The following AHRR variants were observed in gnomAD, a reference collection of about 807,000 sequenced individuals.
AHRR encodes aryl hydrocarbon receptor repressor.
AHRR carries 28 observed loss-of-function variants against 44.0 expected under a neutral mutation model. The observed-to-expected ratio is 0.64, with a 90% confidence interval of 0.47 to 0.87. The LOEUF is 0.87. Among genes scored for constraint, AHRR ranks in the 40% least tolerant of loss-of-function variants. The pLI, the probability that AHRR is intolerant of heterozygous loss-of-function variation, is 0.00. For synonymous variants in AHRR, 434 were observed against 407.0 expected, an observed-to-expected ratio of 1.07 and a Z score of -0.80; for missense variants, 990 against 953.9, an observed-to-expected ratio of 1.04 and a Z score of -0.50.
At chr5:372,415 G>A (rs1743610460) in intron 3 of AHRR, among the ~76,000 whole-genome samples, 1 of 152,222 alleles carries the variant, frequency 6.6e-6, no homozygotes, top group Admixed American at 6.5e-5. Flanking sequence ...TCCAGGCTGC[G>A]GTTTGGGTGA....
At chr5:400,946 C>T (rs1734990822) in intron 4 of AHRR, among the ~76,000 whole-genome samples, 1 of 152,236 alleles carries the variant, frequency 6.6e-6, no homozygotes, top group African/African-American at 2.4e-5. Flanking sequence ...GCACAGACCT[C>T]TCCCAGCAGT....
At chr5:324,054 T>C (rs1461782411) in intron 1 of AHRR, among the ~76,000 whole-genome samples, 2 of 145,914 alleles carry the variant, frequency 1.4e-5, no homozygotes, top group Non-Finnish European at 2.9e-5. Context: ...TTTCTCTCTC[T>C]CTCTCTTTCT....
intron 4 of AHRR, among the ~76,000 whole-genome samples, chr5:399,209 G>C (rs1734905044): frequency 6.6e-6 from 1 of 152,248 alleles, no homozygotes; most frequent in Non-Finnish European, 1.5e-5. Flanking sequence ...GGTGGTGCAG[G>C]ACACACCCAG....
At position 419,945 on chromosome 5, in the gene AHRR, G is replaced by T. The variant is rs1033611152; in HGVS notation, c.442-2784G>T. Among the ~76,000 whole-genome samples the T allele has an allele frequency of 2.0e-5, 3 of 152,214 alleles. No homozygotes were observed. Among genetic ancestry groups the T allele is most frequent in the African/African-American group, 7.2e-5 (3 of 41,444 alleles). On this transcript the variant is annotated intron_variant, in intron 5 of 10. Transcript: ENST00000684583. The surrounding 1 kb of genome is among the most constrained non-coding windows in gnomAD (Gnocchi z 4.4). The stretch of plus-strand genomic sequence containing the variant: ...TAGAGTGGTTTAGAATAAGAACTCC[G>T]AAAGGTTCCTTGTGGATCCCCTTTT...
At chr5:386,485 T>C (rs754924100) in intron 4 of AHRR, among the ~76,000 whole-genome samples, 2 of 152,194 alleles carry the variant, frequency 1.3e-5, no homozygotes, top group Non-Finnish European at 2.9e-5. Context: ...GAGAAAGAGA[T>C]GTGGCAACAG....
At chr5:429,266 C>T (rs72717412) in intron 8 of AHRR, among the ~76,000 whole-genome samples, 39,451 of 138,910 alleles carry the variant, frequency 0.28, 6,658 homozygotes, top group Non-Finnish European at 0.41. Context: ...AGGGCTGGGC[C>T]GCCAGGATGC....
intron 8 of AHRR, chr5:432,019 G>C (rs773421994): frequency 6.3e-6 from 1 of 158,078 alleles, no homozygotes; most frequent in Non-Finnish European, 1.4e-5. Context: ...TGGGATTTAA[G>C]ATTCAGATCA....
chr5:335,393 G>A (rs1262348443), intron 1 of AHRR, among the ~76,000 whole-genome samples: 1 of 151,948 alleles, frequency 6.6e-6, no homozygotes, highest in African/African-American at 2.4e-5. Flanking sequence ...GCAGGTAGGT[G>A]CCAGCTGAGG....
intron 4 of AHRR, among the ~76,000 whole-genome samples, chr5:399,106 C>T (rs549947146): frequency 5.3e-5 from 8 of 152,344 alleles, no homozygotes; most frequent in African/African-American, 1.9e-4. Flanking sequence ...TGGGTCAGCG[C>T]GGAGCTCCCT....
At chr5:350,069 G>C (rs1470645591) in intron 2 of AHRR, among the ~76,000 whole-genome samples, 1 of 152,156 alleles carries the variant, frequency 6.6e-6, no homozygotes, top group Non-Finnish European at 1.5e-5. Flanking sequence ...GTCCCCAGCT[G>C]TGCCCTTCTC....
In AHRR at chr5:344,074, C is replaced by T. The variant is rs563098121; in HGVS notation, c.62+110C>T. ...GGAACAGGGCGAGCGAGGAAGGCTT[C>T]GGGAGCCGGGCGGGCCGGGGCTGAG... On this transcript the variant is annotated intron_variant, in intron 2 of 10. Transcript: ENST00000684583. 38 of 1,218,500 alleles carry T rather than the reference C, an allele frequency of 3.1e-5. No individual in the cohort carries two copies. In the Middle Eastern group the frequency reaches 6.4e-4, roughly 21 times the overall value. The allele number at this position is 1,218,500 out of a possible 1,614,324, so 75.5% of individuals were successfully genotyped here.
At chr5:340,679 TATA>T (rs1277865217) in intron 1 of AHRR, among the ~76,000 whole-genome samples, 9 of 30,522 alleles carry the variant, frequency 2.9e-4, no homozygotes, top group East Asian at 2.5e-3. Flanking sequence ...TATATATATA[TATA>T]TATATATTTT....
chr5:344,335 TGTG>T (rs1742490179), intron 2 of AHRR, among the ~76,000 whole-genome samples: 1 of 148,858 alleles, frequency 6.7e-6, no homozygotes, highest in African/African-American at 2.5e-5. Flanking sequence ...GGACGGAGGG[TGTG>T]GCACGGCCGG....
At chr5:378,255 A>G (rs1733827297) in intron 4 of AHRR, among the ~76,000 whole-genome samples, 1 of 152,218 alleles carries the variant, frequency 6.6e-6, no homozygotes, top group South Asian at 2.1e-4. Context: ...AATAAACTGA[A>G]AAAAAGGGGA....
chr5:391,334 G>A lies in AHRR; in HGVS notation c.351+14618G>A, dbSNP rs533236183. Among the ~76,000 whole-genome samples the A allele has an allele frequency of 3.9e-4, 51 of 130,826 alleles. 1 individual carries two copies. The highest frequency in any genetic ancestry group is 1.4e-3 in the African/African-American group (51 of 35,740). 85.8% of individuals were successfully genotyped at this position (130,826 alleles called of 152,430 possible). ...GGGCCAGAGCGTGCACGGGCGCAGG[G>A]CGAGGCGGGCGCAGGGCGAGGCAGG... On this transcript the variant is annotated intron_variant, in intron 4 of 10. Transcript: ENST00000684583.
rs1054912840 is a variant in AHRR at position 338,130 on chromosome 5, C to A, written c.-10-5763C>A. 1.3e-5 allele frequency among the ~76,000 whole-genome samples: 2 copies of A among 152,186 alleles called. No homozygotes were observed. Among genetic ancestry groups the A allele is most frequent in the African/African-American group, 4.8e-5 (2 of 41,448 alleles). The stretch of plus-strand genomic sequence containing the variant: ...GTGTAGCCGCCATATACTTGATGTC[C>A]ACGTTTGTTGTGAACCCCACAACAC... On this transcript the variant is annotated intron_variant, in intron 1 of 10. Coordinates refer to ENST00000684583, the MANE Select transcript of AHRR (RefSeq NM_001377236.1). The surrounding 1 kb of genome is among the most constrained non-coding windows in gnomAD (Gnocchi z 4.1).
chr5:380,673 T>G (rs1226420897), intron 4 of AHRR, among the ~76,000 whole-genome samples: 1 of 152,254 alleles, frequency 6.6e-6, no homozygotes, highest in Non-Finnish European at 1.5e-5. Context: ...CTTTGTATCC[T>G]ATGACCTTGC....
At chr5:364,529 G>A (rs1016273828) in intron 3 of AHRR, among the ~76,000 whole-genome samples, 16 of 152,028 alleles carry the variant, frequency 1.1e-4, no homozygotes, top group South Asian at 2.1e-4. Flanking sequence ...ATCATCAACC[G>A]TAGAAATGGG....
At chr5:428,107 A>G in intron 8 of AHRR, 101 bp downstream of exon 8, 1 of 1,330,604 alleles carries the variant, frequency 7.5e-7, no homozygotes, top group Non-Finnish European at 1.0e-6. Flanking sequence ...CTTCATTTCC[A>G]GCCAGTAATA....
Sources: allele counts gnomAD v4.1 joint callset (sites outside exome capture counted in the v4.1 genomes callset), GRCh38; gene constraint gnomAD v4.1.1; non-coding constraint Gnocchi (gnomAD v3.1); transcripts MANE v1.5; gene names NCBI Gene and HGNC (gene_info 2026-07-23, HGNC 2026-07-21).